Variants in OLFM3 observed in about 807,000 individuals in gnomAD.
OLFM3 encodes noelin-3.
A neutral mutation model predicts 48.6 loss-of-function variants in OLFM3; 20 were observed. The observed-to-expected ratio is 0.41, with a 90% CI of 0.29 to 0.60. OLFM3 has a LOEUF of 0.60. OLFM3 is among the 20% of genes least tolerant of loss of function. OLFM3 has a pLI of 0.28. For missense variants in OLFM3, 437 were observed against 544.3 expected (o/e 0.80, Z 1.96); for synonymous variants, 222 against 198.1 (o/e 1.12, Z -1.01).
intron 1 of OLFM3, among the ~76,000 whole-genome samples, chr1:101,938,284 A>G (rs1570647956): frequency 6.6e-6 from 1 of 152,174 alleles, no homozygotes; most frequent in African/African-American, 2.4e-5. Flanking sequence ...TCTTTTACAC[A>G]TAGGCAACCC....
At chr1:101,963,062 A>G (rs1180068553) in intron 1 of OLFM3, among the ~76,000 whole-genome samples, 7 of 152,210 alleles carry the variant, frequency 4.6e-5, no homozygotes. Flanking sequence ...TAGATGCACC[A>G]TGTGCAGAAT....
chr1:101,908,021 A>T (rs1557725853), intron 1 of OLFM3, among the ~76,000 whole-genome samples: 1 of 152,202 alleles, frequency 6.6e-6, no homozygotes, highest in East Asian at 1.9e-4. Context: ...TCTATTTAGC[A>T]TTTTTTCCTC....
At chr1:101,958,529 C>T (rs1660368083) in intron 1 of OLFM3, among the ~76,000 whole-genome samples, 1 of 152,030 alleles carries the variant, frequency 6.6e-6, no homozygotes, top group Non-Finnish European at 1.5e-5. Context: ...TGGGGACTAG[C>T]AGAGCATACA....
At chr1:101,980,958 A>G (rs1011684246) in intron 1 of OLFM3, among the ~76,000 whole-genome samples, 1 of 152,326 alleles carries the variant, frequency 6.6e-6, no homozygotes, top group East Asian at 1.9e-4. Context: ...CTCACAATCA[A>G]TCATTAGTGA....
intron 1 of OLFM3, among the ~76,000 whole-genome samples, chr1:101,875,661 T>A (rs201016259): frequency 9.1e-6 from 1 of 109,476 alleles, no homozygotes; most frequent in Non-Finnish European, 2.2e-5. Context: ...CTGAACTTTA[T>A]AAAAGTGTCA....
chr1:101,868,452 CA>C (rs1656942411), intron 1 of OLFM3, among the ~76,000 whole-genome samples: 1 of 152,152 alleles, frequency 6.6e-6, no homozygotes, highest in Non-Finnish European at 1.5e-5. Flanking sequence ...CATTTTGCCC[CA>C]GCCCTAAAGA....
intron 1 of OLFM3, among the ~76,000 whole-genome samples, chr1:101,862,167 T>C (rs899369930): frequency 1.3e-5 from 2 of 152,208 alleles, no homozygotes; most frequent in African/African-American, 4.8e-5. Context: ...AAAACCCTTA[T>C]CTGAAATTTT....
intron 1 of OLFM3, among the ~76,000 whole-genome samples, chr1:101,966,902 A>C (rs1187239658): frequency 2.0e-5 from 3 of 152,204 alleles, no homozygotes; most frequent in African/African-American, 7.2e-5. Context: ...ATTCAGATAT[A>C]AAAAAATAAG....
chr1:101,919,651 C>T (rs757502467), intron 1 of OLFM3, among the ~76,000 whole-genome samples: 3 of 152,148 alleles, frequency 2.0e-5, no homozygotes, highest in Non-Finnish European at 2.9e-5. Context: ...GATCAGCCTT[C>T]GGATTTTTAC....
chr1:101,967,723 A>G (rs1041469702), intron 1 of OLFM3, among the ~76,000 whole-genome samples: 1 of 152,022 alleles, frequency 6.6e-6, no homozygotes, highest in African/African-American at 2.4e-5. Flanking sequence ...ATTGTGTTAT[A>G]CAGTCATACC....
At chr1:101,960,793 C>G (rs1474276519) in intron 1 of OLFM3, among the ~76,000 whole-genome samples, 1 of 152,152 alleles carries the variant, frequency 6.6e-6, no homozygotes, top group Non-Finnish European at 1.5e-5. Context: ...CTCTAGAGTT[C>G]TGCTAGTCCA....
chr1:101,831,219 G>A (rs1655133772), intron 2 of OLFM3, among the ~76,000 whole-genome samples: 1 of 152,200 alleles, frequency 6.6e-6, no homozygotes, highest in Non-Finnish European at 1.5e-5. Context: ...TATTTAGGAT[G>A]TTTAGCAATT....
intron 1 of OLFM3, among the ~76,000 whole-genome samples, chr1:101,846,013 C>A (rs965789785): frequency 1.3e-5 from 2 of 152,118 alleles, no homozygotes; most frequent in Non-Finnish European, 2.9e-5. Flanking sequence ...TATTTCAGGG[C>A]AGAGGAATTA....
At chr1:101,948,106 C>A (rs1419242948) in intron 1 of OLFM3, among the ~76,000 whole-genome samples, 1 of 151,910 alleles carries the variant, frequency 6.6e-6, no homozygotes, top group East Asian at 1.9e-4. Context: ...AGATGCAAGC[C>A]TTTTTAACAT....
intron 1 of OLFM3, among the ~76,000 whole-genome samples, chr1:101,973,180 G>A (rs901187395): frequency 3.9e-5 from 6 of 152,160 alleles, no homozygotes; most frequent in Admixed American, 3.3e-4. Context: ...AAATCCCCAA[G>A]GCATGCCGTC....
chr1:101,846,619 T>C (rs1656007053), intron 1 of OLFM3, among the ~76,000 whole-genome samples: 1 of 152,172 alleles, frequency 6.6e-6, no homozygotes, highest in Non-Finnish European at 1.5e-5. Context: ...AAGAATTTAA[T>C]GACTCTGGTA....
At chr1:101,995,131 A>G (rs1661523317) in intron 1 of OLFM3, among the ~76,000 whole-genome samples, 1 of 152,104 alleles carries the variant, frequency 6.6e-6, no homozygotes, top group Non-Finnish European at 1.5e-5. Flanking sequence ...GAAGCTCTAC[A>G]TTTCTGAATT....
chr1:101,845,934 T>C (rs534841274), intron 1 of OLFM3, among the ~76,000 whole-genome samples: 5 of 152,352 alleles, frequency 3.3e-5, no homozygotes, highest in African/African-American at 1.2e-4. Flanking sequence ...TTTCCATATC[T>C]GACTTTTTCT....
At chr1:101,817,709 T>G (rs564349424) in intron 4 of OLFM3, among the ~76,000 whole-genome samples, 2 of 152,202 alleles carry the variant, frequency 1.3e-5, no homozygotes, top group East Asian at 3.9e-4. Flanking sequence ...ATAAACAAAT[T>G]AAATGGATTA....
Sources: gnomAD v4.1 joint callset for allele counts (sites outside exome capture counted in the v4.1 genomes callset) on GRCh38, gnomAD v4.1.1 for gene constraint, MANE v1.5 for transcripts, NCBI Gene and HGNC (gene_info 2026-07-23, HGNC 2026-07-21) for gene names.